The following ZNF699 variants were observed in gnomAD, a reference collection of about 807,000 sequenced individuals.
ZNF699 encodes the protein hangover homolog.
ZNF699 carries 18 observed loss-of-function variants against 22.5 expected under a neutral mutation model. The observed-to-expected ratio is 0.80, with a 90% CI of 0.55 to 1.19. ZNF699 has a LOEUF of 1.19. ZNF699 is among the 50% of genes most tolerant of loss of function. ZNF699 has a pLI of 0.00. For synonymous variants in ZNF699, 241 were observed against 262.3 expected, an observed-to-expected ratio of 0.92 and a Z score of 0.78; for missense variants, 670 against 763.4, an observed-to-expected ratio of 0.88 and a Z score of 1.44.
At position 9,297,300 on chromosome 19, in the gene ZNF699, A is replaced by G. The variant is rs1259087485; in HGVS notation, c.466T>C (p.Leu156=). The change falls in exon 5 of 6, where the codon TTG becomes CTG. Residue 156 remains leucine, a synonymous_variant. Coordinates refer to ENST00000591998, the MANE Select transcript of ZNF699 (RefSeq NM_198535.3). This position sits in a 1 kb window ranked among gnomAD's most constrained non-coding sequence, Gnocchi z 4.3. Reference sequence around the variant, plus strand: ...TTTCTCACGAATGGCACTCACCTCAAATGTCTCTCATGGCTTTTGTTCTGA... The same window carrying G: ...TTTCTCACGAATGGCACTCACCTCAGATGTCTCTCATGGCTTTTGTTCTGA... ...DYQNKSHERH[L]RNHMVENIYE... 2.5e-6 allele frequency: 4 copies of G among 1,587,004 alleles called. No individual in the cohort carries two copies. The highest frequency in any genetic ancestry group is 1.2e-5 in the South Asian group (1 of 84,368).
At chr19:9,298,938 G>C (rs1227406922) in intron 3 of ZNF699, among the ~76,000 whole-genome samples, 1 of 152,216 alleles carries the variant, frequency 6.6e-6, no homozygotes, top group Non-Finnish European at 1.5e-5. Context: ...GAAAAGCTAA[G>C]TCTTTCCCAC....
chr19:9,295,803 TTACA>T lies in ZNF699; in HGVS notation c.1597_1600del (p.Cys533ArgfsTer17). The T allele has an allele frequency of 6.2e-7, 1 of 1,614,046 alleles. No homozygotes were observed. Among genetic ancestry groups the T allele is most frequent in the Non-Finnish European group, 8.5e-7 (1 of 1,179,994 alleles). On this transcript the variant is annotated frameshift_variant, in exon 6 of 6. Transcript: ENST00000591998. LOFTEE classifies it low-confidence loss of function (END_TRUNC). ...ATAAATAAAGGCTTTCCCACATTTC[TTACA>T]TTCATAGGGTTTCTCTCCAGTGTGA...
At chr19:9,300,882 T>C (rs1348872224) in intron 3 of ZNF699, among the ~76,000 whole-genome samples, 3 of 152,228 alleles carry the variant, frequency 2.0e-5, no homozygotes, top group Non-Finnish European at 2.9e-5. Context: ...TGTCATTATA[T>C]ATTCTTCCAA....
intron 2 of ZNF699, among the ~76,000 whole-genome samples, chr19:9,304,640 G>C (rs564833147): frequency 1.3e-5 from 2 of 152,176 alleles, no homozygotes; most frequent in East Asian, 3.9e-4. Context: ...GAAACACTAC[G>C]GCCGGCCGGG....
rs2066288606 is a variant in ZNF699 at position 9,296,803 on chromosome 19, C to T, written c.601G>A (p.Gly201Arg). 6.2e-7 allele frequency: 1 copy of T among 1,614,146 alleles called. No individual in the cohort carries two copies. Among genetic ancestry groups the T allele is most frequent in the Admixed American group, 1.7e-5 (1 of 60,010 alleles). ...GATGAATGATCCACGAAGGCCTTTC[C>T]ACACTCATGGCATTCACAGGATTTT... Reference protein sequence around the residue: ...EVKSCECHECGKAFVDHSSLK... With the variant: ...EVKSCECHECRKAFVDHSSLK... Residue 201 changes from glycine (G) to arginine (R), a missense_variant, in exon 6 of 6, where the codon GGA (glycine) becomes AGA (arginine). Transcript: ENST00000591998.
intron 2 of ZNF699, 136 bp from the exon 3 acceptor site, chr19:9,302,640 G>A: frequency 1.2e-6 from 1 of 818,760 alleles, no homozygotes. Flanking sequence ...TCTACTCTAG[G>A]GCTCAGTCAA....
rs1236992576 is a variant in ZNF699 at position 9,295,828 on chromosome 19, T to G, written c.1576A>C (p.Thr526Pro). 6.2e-7 allele frequency: 1 copy of G among 1,614,180 alleles called. No individual in the cohort carries two copies. Among genetic ancestry groups the G allele is most frequent in the Non-Finnish European group, 8.5e-7 (1 of 1,180,020 alleles). ...TTACATTCATAGGGTTTCTCTCCAGTGTGAGTTCTGATATGTACTGTAAGG... is the reference window on the plus strand; with the variant it reads ...TTACATTCATAGGGTTTCTCTCCAGGGTGAGTTCTGATATGTACTGTAAGG... ...SHLTVHIRTH[T>P]GEKPYECKKC... The change falls in exon 6 of 6, where the codon ACT becomes CCT. Residue 526 changes from threonine to proline, a missense_variant. Physicochemically the swap from Thr to Pro is conservative, Grantham distance 38 (BLOSUM62 -1). Transcript: ENST00000591998.
At position 9,291,938 on chromosome 19, in the gene ZNF699, G is replaced by A. The variant is rs539815409; in HGVS notation, c.*3537C>T. Reference sequence around the variant, plus strand: ...GCTGGTCTTAAACTCCTGACCTCAGGTGATCCGCCCACCTCGGCCTCCCAA... The same window carrying A: ...GCTGGTCTTAAACTCCTGACCTCAGATGATCCGCCCACCTCGGCCTCCCAA... On this transcript the variant is annotated 3_prime_UTR_variant, in exon 6 of 6. Transcript: ENST00000591998. 3.9e-5 allele frequency among the ~76,000 whole-genome samples: 6 copies of A among 152,172 alleles called. No homozygotes were observed. Among genetic ancestry groups the A allele is most frequent in the African/African-American group, 1.4e-4 (6 of 41,518 alleles).
In ZNF699 at chr19:9,297,076, G is replaced by T; in HGVS notation, c.471-143C>A. 1 of 836,412 alleles carries T rather than the reference G, an allele frequency of 1.2e-6. No individual in the cohort carries two copies. The highest frequency in any genetic ancestry group is 1.8e-6 in the Non-Finnish European group (1 of 560,140). The allele number at this position is 836,412 out of a possible 1,614,324, so 51.8% of individuals were successfully genotyped here. A position where few individuals can be genotyped will look rare whatever the true frequency, so the allele number is the denominator to read the frequency against. ...CAGCCAATACTGTCACTGAGTTATT[G>T]ACTCACGGGATTTTTCTGATAATTG... is the stretch of plus-strand genomic sequence containing the variant. On this transcript the variant is annotated intron_variant, in intron 5 of 5. Coordinates refer to ENST00000591998, the MANE Select transcript of ZNF699 (RefSeq NM_198535.3). The surrounding 1 kb of genome is among the most constrained non-coding windows in gnomAD (Gnocchi z 4.3).
intron 3 of ZNF699, among the ~76,000 whole-genome samples, chr19:9,298,738 G>T (rs2066296384): frequency 6.6e-6 from 1 of 152,114 alleles, no homozygotes; most frequent in South Asian, 2.1e-4. Context: ...AATACTGTCA[G>T]CAACCAGCAA....
chr19:9,301,837 T>C (rs1432556755), intron 3 of ZNF699, among the ~76,000 whole-genome samples: 1 of 152,120 alleles, frequency 6.6e-6, no homozygotes, highest in Non-Finnish European at 1.5e-5. Flanking sequence ...CGATACTTAA[T>C]AAACCTCAAG....
rs181318553 is a variant in ZNF699 at position 9,295,365 on chromosome 19, A to T, written c.*110T>A. On this transcript the variant is annotated 3_prime_UTR_variant, in exon 6 of 6. Transcript: ENST00000591998. ...AAAGTGTCCTCAAATCTTCAAAACG[A>T]TGAGCAACAATTTCCTACTTTCTTA... The T allele has an allele frequency of 1.5e-4, 210 of 1,416,500 alleles. No individual in the cohort carries two copies. In the African/African-American group the frequency reaches 1.5e-3, roughly 10 times the overall value. The allele number at this position is 1,416,500 out of a possible 1,614,324, so 87.7% of individuals were successfully genotyped here. A position where few individuals can be genotyped will look rare whatever the true frequency, so the allele number is the denominator to read the frequency against.
chr19:9,300,716 T>C (rs2066304019), intron 3 of ZNF699, among the ~76,000 whole-genome samples: 1 of 152,208 alleles, frequency 6.6e-6, no homozygotes, highest in Non-Finnish European at 1.5e-5. Flanking sequence ...TGATTCCAAC[T>C]ATATGACATT....
chr19:9,298,957 C>T (rs1211146992), intron 3 of ZNF699, among the ~76,000 whole-genome samples: 1 of 152,190 alleles, frequency 6.6e-6, no homozygotes, highest in East Asian at 1.9e-4. Context: ...ACAATTGGTA[C>T]TGGAACAACT....
intron 1 of ZNF699, among the ~76,000 whole-genome samples, 161 bp downstream of exon 1, chr19:9,309,189 G>A (rs565138197): frequency 6.8e-6 from 1 of 146,370 alleles, no homozygotes; most frequent in South Asian, 2.2e-4. Flanking sequence ...ATGTTGCCCA[G>A]GCTGGCCTCA....
At chr19:9,305,274 C>A in intron 1 of ZNF699, 150 bp from the exon 2 acceptor site, 1 of 627,338 alleles carries the variant, frequency 1.6e-6, no homozygotes. Flanking sequence ...CATACACACA[C>A]ACACACACAC....
At position 9,297,314 on chromosome 19, in the gene ZNF699, C is replaced by A; in HGVS notation, c.452G>T (p.Ser151Ile). The change falls in exon 5 of 6, where the codon AGC (serine) becomes ATC (isoleucine). Residue 151 changes from serine (S) to isoleucine (I), a missense_variant. Physicochemically the swap from Ser to Ile is moderately radical, Grantham distance 142. Transcript: ENST00000591998. The surrounding 1 kb of genome is among the most constrained non-coding windows in gnomAD (Gnocchi z 4.3). ...ESCGIDYQNK[S>I]HERHLRNHMV... ...CACTCACCTCAAATGTCTCTCATGG[C>A]TTTTGTTCTGATAATCAATACCACA... 6.3e-7 allele frequency: 1 copy of A among 1,595,352 alleles called. No homozygotes were observed. Among genetic ancestry groups the A allele is most frequent in the Non-Finnish European group, 8.5e-7 (1 of 1,176,542 alleles).
At chr19:9,308,644 G>T (rs1366829984) in intron 1 of ZNF699, among the ~76,000 whole-genome samples, 2 of 152,034 alleles carry the variant, frequency 1.3e-5, no homozygotes, top group Admixed American at 1.3e-4. Context: ...TAGGAATAAA[G>T]AAAGGAAAAA....
At chr19:9,301,871 T>G (rs2066308527) in intron 3 of ZNF699, among the ~76,000 whole-genome samples, 1 of 152,078 alleles carries the variant, frequency 6.6e-6, no homozygotes, top group Non-Finnish European at 1.5e-5. Context: ...AAAAAAAGCA[T>G]CAGTTCAATA....
Sources: allele counts gnomAD v4.1 joint callset (sites outside exome capture counted in the v4.1 genomes callset), GRCh38; gene constraint gnomAD v4.1.1; non-coding constraint Gnocchi (gnomAD v3.1); transcripts MANE v1.5; gene names NCBI Gene and HGNC (gene_info 2026-07-23, HGNC 2026-07-21).